Variants in OSBPL9 observed in about 807,000 individuals in gnomAD.
The protein encoded by OSBPL9 is oxysterol-binding protein-related protein 9.
A neutral mutation model predicts 106.6 loss-of-function variants in OSBPL9; 40 were observed. The ratio of observed to expected loss-of-function variants is 0.38; its 90% CI spans 0.29 to 0.49. The LOEUF is 0.49. Among genes scored for constraint, OSBPL9 ranks in the 20% least tolerant of loss-of-function variants. OSBPL9 has a pLI of 0.97. For missense variants in OSBPL9, 609 were observed against 887.2 expected, an observed-to-expected ratio of 0.69 and a Z score of 3.98; for synonymous variants, 269 against 295.4, an observed-to-expected ratio of 0.91 and a Z score of 0.92.
chr1:51,652,598 T>TA (rs566817542), intron 2 of OSBPL9, among the ~76,000 whole-genome samples: 1 of 151,826 alleles, frequency 6.6e-6, no homozygotes, highest in African/African-American at 2.4e-5. Context: ...ATGTGATTAA[T>TA]AAAAAAAAAT....
chr1:51,679,303 AT>A (rs1652000842), intron 3 of OSBPL9, among the ~76,000 whole-genome samples: 1 of 152,186 alleles, frequency 6.6e-6, no homozygotes, highest in Admixed American at 6.5e-5. Context: ...GGATAGTTTT[AT>A]TTTTTGTTAA....
At chr1:51,758,673 A>G (rs1670882052) in intron 9 of OSBPL9, among the ~76,000 whole-genome samples, 1 of 152,304 alleles carries the variant, frequency 6.6e-6, no homozygotes, top group East Asian at 1.9e-4. Flanking sequence ...GATTACATCC[A>G]AAAGAGAATT....
chr1:51,599,048 C>T (rs11205870), intron 2 of OSBPL9, among the ~76,000 whole-genome samples: 36,954 of 151,684 alleles, frequency 0.24, 6,397 homozygotes, highest in African/African-American at 0.48. Flanking sequence ...AGGAATGCTC[C>T]TTTAATACTA....
intron 3 of OSBPL9, among the ~76,000 whole-genome samples, chr1:51,687,707 C>T (rs1484142240): frequency 6.6e-6 from 1 of 152,164 alleles, no homozygotes; most frequent in Non-Finnish European, 1.5e-5. Context: ...TTTTAGAATA[C>T]ACGGGAGGTG....
chr1:51,563,124 C>T, the OSBPL9 span, among the ~76,000 whole-genome samples: 1 of 152,128 alleles, frequency 6.6e-6, no homozygotes, highest in South Asian at 2.1e-4. Context: ...GCATGAGAAT[C>T]TCTTGAGCCC....
chr1:51,570,554 G>T, the OSBPL9 span, among the ~76,000 whole-genome samples: 1 of 152,166 alleles, frequency 6.6e-6, no homozygotes, highest in Non-Finnish European at 1.5e-5. Context: ...ACTTACTCAA[G>T]ATGACAGAGT....
chr1:51,693,250 T>G (rs1396518069), intron 3 of OSBPL9, among the ~76,000 whole-genome samples: 1 of 151,760 alleles, frequency 6.6e-6, no homozygotes, highest in African/African-American at 2.4e-5. Context: ...CACTTAGCTG[T>G]GGTCTCAGCC....
intron 2 of OSBPL9, among the ~76,000 whole-genome samples, chr1:51,652,636 TACTA>T (rs1646586507): frequency 6.6e-6 from 1 of 152,220 alleles, no homozygotes; most frequent in South Asian, 2.1e-4. Flanking sequence ...TTTCTTTCCA[TACTA>T]ACTATTCAAA....
intron 1 of OSBPL9, among the ~76,000 whole-genome samples, chr1:51,631,194 C>G (rs897698708): frequency 1.3e-5 from 2 of 152,114 alleles, no homozygotes; most frequent in African/African-American, 4.8e-5. Context: ...CTGGCATGTC[C>G]ATGTGGGAGC....
intron 17 of OSBPL9, 126 bp from the exon 18 acceptor site, chr1:51,783,789 G>T (rs1676959177): frequency 2.9e-6 from 2 of 682,018 alleles, no homozygotes; most frequent in East Asian, 2.7e-5. Flanking sequence ...GTACCTCCTG[G>T]CGTAATTGGA....
chr1:51,691,129 A>G (rs535990984), intron 3 of OSBPL9, among the ~76,000 whole-genome samples: 3 of 152,274 alleles, frequency 2.0e-5, no homozygotes, highest in East Asian at 1.9e-4. Flanking sequence ...GTGAGTCAGT[A>G]AGTGAGTGGT....
chr1:51,670,727 A>G (rs1042216705), intron 3 of OSBPL9, among the ~76,000 whole-genome samples: 1 of 152,246 alleles, frequency 6.6e-6, no homozygotes, highest in East Asian at 1.9e-4. Context: ...GAAATTTTCT[A>G]CTATATTTAA....
chr1:51,691,658 T>C lies in OSBPL9; in HGVS notation c.241+22146T>C, dbSNP rs550711355. 4.5e-4 allele frequency among the ~76,000 whole-genome samples: 68 copies of C among 152,292 alleles called. No individual in the cohort carries two copies. The South Asian group carries it at 4.8e-3, about 11-fold the overall frequency. On this transcript the variant is annotated intron_variant, in intron 3 of 23. Coordinates refer to ENST00000428468, the MANE Select transcript of OSBPL9 (RefSeq NM_024586.6). ...TAACTTCATGTCTCTTTTGTAATAA[T>C]ACTTAGCTTAAAACACAAACATATT...
upstream of OSBPL9, among the ~76,000 whole-genome samples, chr1:51,613,525 T>C (rs924724326): frequency 6.6e-6 from 1 of 152,210 alleles, no homozygotes; most frequent in Non-Finnish European, 1.5e-5. Flanking sequence ...CACAGAGTTA[T>C]TGTGATGGTT....
intron 1 of OSBPL9, among the ~76,000 whole-genome samples, chr1:51,643,860 C>T (rs1192636778): frequency 4.0e-5 from 6 of 151,566 alleles, no homozygotes; most frequent in East Asian, 3.9e-4. Flanking sequence ...GTGGGTAGAT[C>T]GCTTGAGCCC....
chr1:51,666,469 T>G (rs1648542140), intron 2 of OSBPL9, among the ~76,000 whole-genome samples: 1 of 152,214 alleles, frequency 6.6e-6, no homozygotes, highest in African/African-American at 2.4e-5. Context: ...AGATCCTCAG[T>G]CATACTAGTC....
chr1:51,597,423 A>ATATGTGTGTGTGTG (rs1405804661), intron 1 of OSBPL9, among the ~76,000 whole-genome samples: 1 of 135,802 alleles, frequency 7.4e-6, no homozygotes, highest in Admixed American at 7.3e-5. Flanking sequence ...ATATATATAT[A>ATATGTGTGTGTGTG]TGTGTGTGTG....
chr1:51,789,038 C>CTAA lies in OSBPL9; in HGVS notation c.*1251_*1253dup, dbSNP rs1553199482. Among the ~76,000 whole-genome samples the CTAA allele has an allele frequency of 1.3e-5, 2 of 152,244 alleles. No homozygotes were observed. The highest frequency in any genetic ancestry group is 4.8e-5 in the African/African-American group (2 of 41,540). ...TTCTGGTCTCGCTTGGCCCATTCTG[C>CTAA]TAATTTTCCTTTGCCAGCTCCTACA... On this transcript the variant is annotated 3_prime_UTR_variant, in exon 24 of 24. Transcript: ENST00000428468.
intron 3 of OSBPL9, among the ~76,000 whole-genome samples, chr1:51,691,860 T>C (rs2148827448): frequency 6.6e-6 from 1 of 152,208 alleles, no homozygotes; most frequent in South Asian, 2.1e-4. Flanking sequence ...CTCCACATCT[T>C]GTCCCGCTGG....
Sources: gnomAD v4.1 joint callset for allele counts (sites outside exome capture counted in the v4.1 genomes callset) on GRCh38, gnomAD v4.1.1 for gene constraint, MANE v1.5 for transcripts, NCBI Gene and HGNC (gene_info 2026-07-23, HGNC 2026-07-21) for gene names.